Variants in PCDH15 observed in about 807,000 individuals in gnomAD.
The protein encoded by PCDH15 is protocadherin-15.
A neutral mutation model predicts 178.5 loss-of-function variants in PCDH15; 129 were observed. That is an observed-to-expected ratio of 0.72 (90% CI 0.63 to 0.84). The LOEUF is 0.84. Ranked by LOEUF, PCDH15 falls within the 40% of genes least tolerant of loss-of-function variation. The pLI is 0.00. For synonymous variants in PCDH15, 800 were observed against 732.0 expected, an observed-to-expected ratio of 1.09 and a Z score of -1.50; for missense variants, 2,230 against 2,099.9, an observed-to-expected ratio of 1.06 and a Z score of -1.21.
intron 3 of PCDH15, among the ~76,000 whole-genome samples, chr10:54,892,648 A>T (rs1954482589): frequency 6.6e-6 from 1 of 151,684 alleles, no homozygotes; most frequent in Admixed American, 6.6e-5. Context: ...AGATGCATGG[A>T]GGATTGATCT....
chr10:54,826,782 T>G (rs984735975), intron 3 of PCDH15, among the ~76,000 whole-genome samples: 1 of 152,004 alleles, frequency 6.6e-6, no homozygotes, highest in Non-Finnish European at 1.5e-5. Context: ...ATTTCCTAAA[T>G]TACCAAAGAT....
chr10:54,410,970 C>T (rs947938172), intron 3 of PCDH15, among the ~76,000 whole-genome samples: 2 of 151,708 alleles, frequency 1.3e-5, no homozygotes. Flanking sequence ...AATAATACTG[C>T]TCTACAATAT....
chr10:55,396,425 C>G (rs1475924133), intron 2 of PCDH15, among the ~76,000 whole-genome samples: 1 of 152,140 alleles, frequency 6.6e-6, no homozygotes, highest in Admixed American at 6.5e-5. Context: ...TATCAAAGTT[C>G]AAAACTTTAT....
At chr10:53,929,814 A>G (rs527614984) in intron 25 of PCDH15, among the ~76,000 whole-genome samples, 1 of 152,354 alleles carries the variant, frequency 6.6e-6, no homozygotes, top group Admixed American at 6.5e-5. Flanking sequence ...TCAAAACACA[A>G]TGACATATTT....
intron 2 of PCDH15, among the ~76,000 whole-genome samples, chr10:54,594,844 CA>C (rs2092121596): frequency 6.6e-6 from 1 of 152,158 alleles, no homozygotes. Context: ...GCTCTGCCAC[CA>C]CCAGTGCTCC....
At chr10:53,904,498 G>C (rs1287051785) in intron 25 of PCDH15, among the ~76,000 whole-genome samples, 1 of 142,936 alleles carries the variant, frequency 7.0e-6, no homozygotes, top group Admixed American at 7.2e-5. Context: ...CCCTTGGAAA[G>C]GTCAGACAGA....
chr10:53,818,175 A>C (rs2076132429), intron 33 of PCDH15, 162 bp from the exon 34 acceptor site: 1 of 385,848 alleles, frequency 2.6e-6, no homozygotes, highest in African/African-American at 2.1e-5. Context: ...TGGAATTATC[A>C]AAACAGGAAG....
intron 3 of PCDH15, among the ~76,000 whole-genome samples, chr10:54,441,879 G>C: frequency 6.6e-6 from 1 of 151,638 alleles, no homozygotes; most frequent in East Asian, 1.9e-4. Flanking sequence ...AGTTTAATTG[G>C]CTAATGAAAT....
rs540612490 is a variant in PCDH15 at position 54,158,660 on chromosome 10, T to C, written c.1591-5367A>G. 1.5e-4 allele frequency among the ~76,000 whole-genome samples: 23 copies of C among 152,310 alleles called. No individual in the cohort carries two copies. In the East Asian group the frequency reaches 1.9e-3, roughly 13 times the overall value. ...TATAAAAGGACAAATATAAAGATGA[T>C]TGAATTGTGCATAAGCTGAACAAAA... On this transcript the variant is annotated intron_variant, in intron 13 of 37. Transcript: ENST00000644397.
chr10:55,616,949 C>T (rs1354662402), intron 2 of PCDH15, among the ~76,000 whole-genome samples: 1 of 151,782 alleles, frequency 6.6e-6, no homozygotes, highest in Non-Finnish European at 1.5e-5. Flanking sequence ...TATAATGTAA[C>T]ACATTATAAT....
At chr10:54,921,822 G>A (rs549179112) in intron 2 of PCDH15, among the ~76,000 whole-genome samples, 106 of 152,222 alleles carry the variant, frequency 7.0e-4, no homozygotes, top group African/African-American at 2.3e-3. Context: ...GCAAAGTTCC[G>A]CAGGCTGTAC....
intron 2 of PCDH15, among the ~76,000 whole-genome samples, chr10:55,014,795 C>G (rs1035256061): frequency 6.6e-6 from 1 of 152,108 alleles, no homozygotes; most frequent in Non-Finnish European, 1.5e-5. Context: ...TGTAAAAATA[C>G]TTTTTTAATT....
chr10:55,420,637 T>C, intron 2 of PCDH15, among the ~76,000 whole-genome samples: 1 of 151,698 alleles, frequency 6.6e-6, no homozygotes, highest in East Asian at 1.9e-4. Flanking sequence ...AACCCAAAGG[T>C]CCACCGATTA....
chr10:54,466,568 T>G (rs116748324), intron 3 of PCDH15, among the ~76,000 whole-genome samples: 2,509 of 152,136 alleles, frequency 0.016, 66 homozygotes, highest in African/African-American at 0.057. Context: ...TATGCTGTTT[T>G]GGTTGCTATA....
At chr10:54,483,283 A>T (rs373096666) in intron 3 of PCDH15, among the ~76,000 whole-genome samples, 22 of 151,872 alleles carry the variant, frequency 1.4e-4, no homozygotes, top group East Asian at 1.2e-3. Flanking sequence ...TTGGAATTAC[A>T]ACATGGTATG....
intron 2 of PCDH15, among the ~76,000 whole-genome samples, chr10:55,577,192 A>G (rs906291460): frequency 3.3e-5 from 5 of 152,156 alleles, no homozygotes; most frequent in African/African-American, 4.8e-5. Flanking sequence ...GCAGTGAGCC[A>G]AGATTGCACC....
At chr10:53,900,051 G>C (rs1309954759) in intron 26 of PCDH15, among the ~76,000 whole-genome samples, 3 of 152,050 alleles carry the variant, frequency 2.0e-5, no homozygotes, top group Admixed American at 6.6e-5. Flanking sequence ...TTCAGTGCTA[G>C]TCTTAAATTC....
At chr10:54,718,270 T>C (rs974552561) in intron 1 of PCDH15, among the ~76,000 whole-genome samples, 7 of 151,334 alleles carry the variant, frequency 4.6e-5, no homozygotes, top group Non-Finnish European at 1.0e-4. Context: ...ATAATAATAA[T>C]AATAAAAAGA....
chr10:54,631,982 G>A (rs559011449), intron 2 of PCDH15, among the ~76,000 whole-genome samples: 1 of 152,200 alleles, frequency 6.6e-6, no homozygotes, highest in East Asian at 1.9e-4. Context: ...AATTCAAAAT[G>A]AGATTTTGGA....
Sources: gnomAD v4.1 joint callset for allele counts (sites outside exome capture counted in the v4.1 genomes callset) on GRCh38, gnomAD v4.1.1 for gene constraint, MANE v1.5 for transcripts, NCBI Gene and HGNC (gene_info 2026-07-23, HGNC 2026-07-21) for gene names.